TGM6: variants seen among roughly 807,000 people sequenced by gnomAD.
The protein encoded by TGM6 is protein-glutamine gamma-glutamyltransferase 6.
Under a neutral mutation model 77.5 loss-of-function variants are expected in TGM6, and 74 were observed. The ratio of observed to expected loss-of-function variants is 0.96; its 90% CI spans 0.79 to 1.16. The LOEUF (loss-of-function observed/expected upper bound fraction) is 1.16, where lower values mean the gene tolerates loss of function less well. Ranked by LOEUF, TGM6 falls within the 50% of genes most tolerant of loss-of-function variation. The pLI, the probability that TGM6 is intolerant of heterozygous loss-of-function variation, is 0.00. For synonymous variants in TGM6, 383 were observed against 378.9 expected, an observed-to-expected ratio of 1.01 and a Z score of -0.12; for missense variants, 968 against 940.2, an observed-to-expected ratio of 1.03 and a Z score of -0.39.
chr20:2,418,815 G>T (rs562696653), intron 10 of TGM6, among the ~76,000 whole-genome samples: 1 of 152,052 alleles, frequency 6.6e-6, no homozygotes, highest in East Asian at 1.9e-4. Flanking sequence ...GGTGGCTCAC[G>T]CCTGTAATCC....
chr20:2,395,115 A>G (rs1568655997), intron 2 of TGM6, 79 bp from the exon 3 acceptor site: 3 of 1,573,586 alleles, frequency 1.9e-6, no homozygotes, highest in Admixed American at 1.8e-5. Flanking sequence ...TGGGGCTTCC[A>G]GGCCTGTAGC....
At chr20:2,389,903 T>G (rs768793754) in intron 1 of TGM6, among the ~76,000 whole-genome samples, 1 of 152,188 alleles carries the variant, frequency 6.6e-6, no homozygotes, top group Non-Finnish European at 1.5e-5. Context: ...TGGGCTAATA[T>G]GAATAACGGC....
At position 2,430,483 on chromosome 20, in the gene TGM6, T is replaced by C. The variant is rs1299327871; in HGVS notation, c.1716T>C (p.Tyr572=). Residue 572 remains tyrosine, a synonymous_variant, in exon 11 of 13, where the codon TAT becomes TAC. Transcript: ENST00000202625. ...RIPITISYSK[Y]KEDLTEDKKI... is the part of the protein sequence containing the mutation. Reference sequence around the variant, plus strand: ...CAATTACAATATCTTACTCTAAGTATAAAGAAGACCTGACAGAGGACAAGA... The same window carrying C: ...CAATTACAATATCTTACTCTAAGTACAAAGAAGACCTGACAGAGGACAAGA... 6.2e-7 allele frequency: 1 copy of C among 1,614,082 alleles called. No homozygotes were observed. Among genetic ancestry groups the C allele is most frequent in the African/African-American group, 1.3e-5 (1 of 74,918 alleles).
intron 2 of TGM6, 127 bp from the exon 3 acceptor site, chr20:2,395,067 C>T (rs1040010628): frequency 2.0e-6 from 3 of 1,473,362 alleles, no homozygotes; most frequent in African/African-American, 1.4e-5. Flanking sequence ...TTGTCAGGTC[C>T]TTCTCCCAAA....
chr20:2,417,657 A>G, intron 10 of TGM6, 84 bp downstream of exon 10: 2 of 1,412,156 alleles, frequency 1.4e-6, no homozygotes, highest in Admixed American at 3.9e-5. Context: ...ATTTCCCAGG[A>G]CTGCATTCAT....
At chr20:2,389,470 G>A (rs930864986) in intron 1 of TGM6, among the ~76,000 whole-genome samples, 1 of 152,144 alleles carries the variant, frequency 6.6e-6, no homozygotes, top group African/African-American at 2.4e-5. Flanking sequence ...ATTTTTCCAA[G>A]CTAAACTCTG....
intron 1 of TGM6, 82 bp from the exon 2 acceptor site, chr20:2,394,370 C>T (rs1047386066): frequency 1.7e-5 from 25 of 1,492,084 alleles, no homozygotes; most frequent in African/African-American, 1.1e-4. Flanking sequence ...AATGACTGGC[C>T]GAGAATGAAT....
In TGM6 at chr20:2,432,679, C is replaced by T. The variant is rs2084931759; in HGVS notation, c.*36C>T. ...GGGACTGAGAGGGGTGGATTTGGCC[C>T]CTGTCCTCCTCCTGCCCATTCTTTG... On this transcript the variant is annotated 3_prime_UTR_variant, in exon 13 of 13. Coordinates refer to ENST00000202625, the MANE Select transcript of TGM6 (RefSeq NM_198994.3). 6.2e-7 allele frequency: 1 copy of T among 1,613,882 alleles called. No homozygotes were observed. The highest frequency in any genetic ancestry group is 8.5e-7 in the Non-Finnish European group (1 of 1,179,912).
intron 7 of TGM6, among the ~76,000 whole-genome samples, chr20:2,400,682 G>A (rs2084702381): frequency 7.0e-6 from 1 of 143,098 alleles, no homozygotes; most frequent in Non-Finnish European, 1.5e-5. Context: ...AGATTTGATT[G>A]CCTTGAACGC....
intron 1 of TGM6, among the ~76,000 whole-genome samples, chr20:2,393,906 G>A (rs1395846293): frequency 6.6e-6 from 1 of 152,136 alleles, no homozygotes; most frequent in Admixed American, 6.5e-5. Context: ...GGGACCAGAG[G>A]CTCACAGGAA....
Position 2,403,575 on chromosome 20 carries a change from G to T in TGM6, c.1094-6G>T, listed in dbSNP as rs145554251. On this transcript the variant is annotated splice_polypyrimidine_tract_variant and splice_region_variant and intron_variant, in intron 8 of 12. Coordinates refer to ENST00000202625, the MANE Select transcript of TGM6 (RefSeq NM_198994.3). ...CATGCTGCTCATGCCCACCCCTCCT[G>T]CCCAGGTGTGTTCCGGTGCGGCCCA... is the stretch of plus-strand genomic sequence containing the variant. 234 of 1,614,016 alleles carry T rather than the reference G, an allele frequency of 1.4e-4. No individual in the cohort carries two copies. In the African/African-American group the frequency reaches 2.7e-3, roughly 19 times the overall value.
chr20:2,409,092 C>T (rs1683768201), intron 9 of TGM6, among the ~76,000 whole-genome samples: 1 of 152,014 alleles, frequency 6.6e-6, no homozygotes, highest in South Asian at 2.1e-4. Context: ...ATAAAATAAG[C>T]CTCAGTAAAC....
At chr20:2,431,917 G>A (rs958972778) in intron 12 of TGM6, among the ~76,000 whole-genome samples, 1 of 152,234 alleles carries the variant, frequency 6.6e-6, no homozygotes, top group African/African-American at 2.4e-5. Flanking sequence ...GGCATCCTAG[G>A]TGGAACAGAG....
intron 9 of TGM6, among the ~76,000 whole-genome samples, chr20:2,405,069 A>G (rs1460096502): frequency 6.6e-6 from 1 of 152,218 alleles, no homozygotes; most frequent in African/African-American, 2.4e-5. Flanking sequence ...CATCTTCTCC[A>G]GGTGGTGCTG....
Position 2,395,266 on chromosome 20 carries a change from G to T in TGM6, c.254G>T (p.Trp85Leu), listed in dbSNP as rs766949930. ...QTSELERGEG[W>L]TAAREAQMEK... ...TCGGAGCTGGAGCGGGGTGAGGGCT[G>T]GACAGCAGCAAGGGAGGCTCAGATG... Residue 85 changes from tryptophan to leucine, a missense_variant, in exon 3 of 13, where the codon TGG (tryptophan) becomes TTG (leucine). Transcript: ENST00000202625. The T allele has an allele frequency of 6.2e-7, 1 of 1,614,028 alleles. No homozygotes were observed. Among genetic ancestry groups the T allele is most frequent in the African/African-American group, 1.3e-5 (1 of 74,940 alleles).
At chr20:2,401,119 C>T (rs1180083563) in intron 7 of TGM6, among the ~76,000 whole-genome samples, 5 of 151,960 alleles carry the variant, frequency 3.3e-5, no homozygotes, top group South Asian at 4.2e-4. Context: ...GCAGGAGAAT[C>T]GCTTGAACCT....
At chr20:2,422,331 T>C (rs2084862141) in intron 10 of TGM6, among the ~76,000 whole-genome samples, 1 of 152,224 alleles carries the variant, frequency 6.6e-6, no homozygotes, top group South Asian at 2.1e-4. Flanking sequence ...TTGACTATCT[T>C]TTCTCCATTG....
intron 11 of TGM6, 126 bp downstream of exon 11, chr20:2,430,726 A>G (rs1599976398): frequency 6.3e-7 from 1 of 1,586,824 alleles, no homozygotes; most frequent in African/African-American, 1.3e-5. Flanking sequence ...GGGTGGGAGG[A>G]GTGGGTTGGA....
chr20:2,432,392 C>T (rs373021418), intron 12 of TGM6, 98 bp from the exon 13 acceptor site: 1 of 1,498,074 alleles, frequency 6.7e-7, no homozygotes, highest in Admixed American at 1.7e-5. Context: ...ACAAGGTGAA[C>T]TTGATCCTGA....
Sources: gnomAD v4.1 joint callset for allele counts (sites outside exome capture counted in the v4.1 genomes callset) on GRCh38, gnomAD v4.1.1 for gene constraint, MANE v1.5 for transcripts, NCBI Gene and HGNC (gene_info 2026-07-23, HGNC 2026-07-21) for gene names.